Variants in ATF7IP observed in about 807,000 individuals in gnomAD.
ATF7IP encodes activating transcription factor 7 interacting protein, also known as activating transcription factor 7-interacting protein 1.
A neutral mutation model predicts 106.4 loss-of-function variants in ATF7IP; 23 were observed. That is an observed-to-expected ratio of 0.22 (90% CI 0.16 to 0.31). ATF7IP has a LOEUF of 0.31. Ranked by LOEUF, ATF7IP falls within the 10% of genes least tolerant of loss-of-function variation. The probability of loss-of-function intolerance (pLI) is 1.00; values close to 1 mark genes in which losing one functional copy is unlikely to be tolerated. For missense variants in ATF7IP, 1,334 were observed against 1,524.3 expected (o/e 0.88, Z 2.08); for synonymous variants, 542 against 539.0 (o/e 1.01, Z -0.08).
chr12:14,480,193 ATTGAT>A (rs1944389787), intron 12 of ATF7IP, among the ~76,000 whole-genome samples: 1 of 152,072 alleles, frequency 6.6e-6, no homozygotes, highest in Non-Finnish European at 1.5e-5. Flanking sequence ...AAGAAAGTAG[ATTGAT>A]TTGTTACTTT....
intron 10 of ATF7IP, among the ~76,000 whole-genome samples, chr12:14,474,107 G>A (rs1944162946): frequency 2.0e-5 from 3 of 151,492 alleles, no homozygotes. Flanking sequence ...TTAGATCTTT[G>A]TTTCTTCTCA....
chr12:14,498,140 C>T lies in ATF7IP; in HGVS notation c.*67C>T, dbSNP rs1197173362. 5 of 1,395,094 alleles carry T rather than the reference C, an allele frequency of 3.6e-6. No individual in the cohort carries two copies. Among genetic ancestry groups the T allele is most frequent in the Non-Finnish European group, 4.9e-6 (5 of 1,030,128 alleles). The allele number at this position is 1,395,094 out of a possible 1,614,324, so 86.4% of individuals were successfully genotyped here. ...TTTTGGTCTTGTTTTTAATCTTGTG[C>T]ATGATACCCCATGTAAAATCCACCT... On this transcript the variant is annotated 3_prime_UTR_variant, in exon 15 of 15. Coordinates refer to ENST00000261168, the MANE Select transcript of ATF7IP (RefSeq NM_018179.5).
intron 13 of ATF7IP, among the ~76,000 whole-genome samples, chr12:14,494,134 T>G (rs2136868412): frequency 6.6e-6 from 1 of 151,184 alleles, no homozygotes; most frequent in Non-Finnish European, 1.5e-5. Context: ...TTAGAGTTTT[T>G]AACATTTTTG....
intron 12 of ATF7IP, among the ~76,000 whole-genome samples, chr12:14,479,807 G>C (rs1944378690): frequency 1.3e-5 from 2 of 151,676 alleles, no homozygotes; most frequent in African/African-American, 2.4e-5. Context: ...ATTTTATATT[G>C]GTTCTCATAT....
intron 1 of ATF7IP, among the ~76,000 whole-genome samples, chr12:14,373,612 GA>G (rs1342588092): frequency 6.6e-6 from 1 of 152,272 alleles, no homozygotes; most frequent in East Asian, 1.9e-4. Flanking sequence ...TAAAACTAGA[GA>G]ATTTTATAAA....
At chr12:14,455,378 T>C (rs1430590177) in intron 6 of ATF7IP, among the ~76,000 whole-genome samples, 1 of 152,156 alleles carries the variant, frequency 6.6e-6, no homozygotes, top group Non-Finnish European at 1.5e-5. Context: ...TCTATTGTTT[T>C]TCCCTCTACA....
At chr12:14,463,099 T>C (rs1943703835) in intron 9 of ATF7IP, among the ~76,000 whole-genome samples, 1 of 152,066 alleles carries the variant, frequency 6.6e-6, no homozygotes, top group Middle Eastern at 3.2e-3. Context: ...GGCATTTGGC[T>C]TTTTAGGATT....
chr12:14,382,313 T>C (rs902978754), intron 1 of ATF7IP, among the ~76,000 whole-genome samples: 1 of 152,206 alleles, frequency 6.6e-6, no homozygotes, highest in Admixed American at 6.5e-5. Flanking sequence ...TGTTTATGCT[T>C]CTGTAAATAA....
At chr12:14,371,370 C>CT (rs984340644) in intron 1 of ATF7IP, among the ~76,000 whole-genome samples, 1 of 151,928 alleles carries the variant, frequency 6.6e-6, no homozygotes, top group Non-Finnish European at 1.5e-5. Flanking sequence ...AGCAGTTTAT[C>CT]TTTTTTAATG....
At position 14,498,410 on chromosome 12, in the gene ATF7IP, C is replaced by G; in HGVS notation, c.*337C>G. On this transcript the variant is annotated 3_prime_UTR_variant, in exon 15 of 15. Coordinates refer to ENST00000261168, the MANE Select transcript of ATF7IP (RefSeq NM_018179.5). ...CCCATTTTCATTCTCAAATTTACCT[C>G]TTAAAGTACGAAGTAAGTAGATCAA... is the stretch of plus-strand genomic sequence containing the variant. 4.7e-6 allele frequency: 1 copy of G among 211,976 alleles called. No homozygotes were observed. The highest frequency in any genetic ancestry group is 9.4e-6 in the Non-Finnish European group (1 of 106,172). 13.1% of individuals were successfully genotyped at this position (211,976 alleles called of 1,614,324 possible).
At chr12:14,434,183 C>T (rs1942286350) in intron 2 of ATF7IP, among the ~76,000 whole-genome samples, 154 bp from the exon 3 acceptor site, 3 of 152,102 alleles carry the variant, frequency 2.0e-5, no homozygotes, top group African/African-American at 7.2e-5. Context: ...CGATCAGTTC[C>T]TGCTCCCCTT....
At chr12:14,380,784 T>C (rs1372939766) in intron 1 of ATF7IP, among the ~76,000 whole-genome samples, 3 of 152,152 alleles carry the variant, frequency 2.0e-5, no homozygotes, top group Non-Finnish European at 2.9e-5. Flanking sequence ...CACGCCCAGC[T>C]AATTTTTGTA....
At chr12:14,393,975 A>G (rs1260561999) in intron 1 of ATF7IP, among the ~76,000 whole-genome samples, 3 of 152,206 alleles carry the variant, frequency 2.0e-5, no homozygotes, top group Non-Finnish European at 4.4e-5. Flanking sequence ...CACAGACAGA[A>G]TATTTTCTTG....
intron 6 of ATF7IP, among the ~76,000 whole-genome samples, chr12:14,452,456 T>C (rs1943242468): frequency 6.6e-6 from 1 of 152,144 alleles, no homozygotes; most frequent in Non-Finnish European, 1.5e-5. Flanking sequence ...GTTTTTCTTT[T>C]GGTATAGTAG....
intron 1 of ATF7IP, among the ~76,000 whole-genome samples, chr12:14,404,898 A>G (rs1411603850): frequency 1.3e-5 from 2 of 152,152 alleles, no homozygotes; most frequent in African/African-American, 4.8e-5. Context: ...TCAGAACTCT[A>G]CAGATTTTTT....
intron 13 of ATF7IP, among the ~76,000 whole-genome samples, chr12:14,487,894 A>G (rs1944678792): frequency 6.6e-6 from 1 of 152,174 alleles, no homozygotes; most frequent in South Asian, 2.1e-4. Flanking sequence ...GGTCCAAGGT[A>G]TCGTGTATAG....
chr12:14,498,361 G>A lies in ATF7IP; in HGVS notation c.*288G>A. The A allele has an allele frequency of 3.2e-6, 1 of 314,592 alleles. No individual in the cohort carries two copies. Among genetic ancestry groups the A allele is most frequent in the East Asian group, 5.3e-5 (1 of 18,870 alleles). 19.5% of individuals were successfully genotyped at this position (314,592 alleles called of 1,614,324 possible). Reference sequence around the variant, plus strand: ...GGTGTTTATGTGTGTTTTTCCTTATGTAGGTGTTATTGCATTGGAGTCTCC... The same window carrying A: ...GGTGTTTATGTGTGTTTTTCCTTATATAGGTGTTATTGCATTGGAGTCTCC... On this transcript the variant is annotated 3_prime_UTR_variant, in exon 15 of 15. Coordinates refer to ENST00000261168, the MANE Select transcript of ATF7IP (RefSeq NM_018179.5).
intron 1 of ATF7IP, among the ~76,000 whole-genome samples, chr12:14,413,696 T>C (rs1941051694): frequency 6.6e-6 from 1 of 152,198 alleles, no homozygotes; most frequent in Non-Finnish European, 1.5e-5. Context: ...GGATATGTTT[T>C]GTTATAGTGA....
chr12:14,415,857 G>A lies in ATF7IP; in HGVS notation c.-7-8052G>A, dbSNP rs113329934. On this transcript the variant is annotated intron_variant, in intron 1 of 14. Transcript: ENST00000261168. ...GATAATTTAAAGTATACAGCAATATGTGCATAGGTTATATGCAAATACTAC... is the reference window on the plus strand; with the variant it reads ...GATAATTTAAAGTATACAGCAATATATGCATAGGTTATATGCAAATACTAC... Among the ~76,000 whole-genome samples the A allele has an allele frequency of 5.1e-3, 776 of 152,178 alleles. 2 individuals are homozygous for A. The highest frequency in any genetic ancestry group is 0.015 in the East Asian group (76 of 5,186).
Sources: gnomAD v4.1 joint callset for allele counts (sites outside exome capture counted in the v4.1 genomes callset) on GRCh38, gnomAD v4.1.1 for gene constraint, MANE v1.5 for transcripts, NCBI Gene and HGNC (gene_info 2026-07-23, HGNC 2026-07-21) for gene names.